The following ZDHHC2 variants were observed in gnomAD, a reference collection of about 807,000 sequenced individuals.
ZDHHC2 encodes the protein palmitoyltransferase ZDHHC2.
ZDHHC2 carries 51 observed loss-of-function variants against 55.6 expected under a neutral mutation model. That is an observed-to-expected ratio of 0.92 (90% CI 0.73 to 1.16). The LOEUF (loss-of-function observed/expected upper bound fraction) is 1.16. Ranked by LOEUF, ZDHHC2 falls within the 50% of genes most tolerant of loss-of-function variation. ZDHHC2 has a pLI of 0.00. For synonymous variants in ZDHHC2, 199 were observed against 152.9 expected, an observed-to-expected ratio of 1.30 and a Z score of -2.22; for missense variants, 491 against 442.4, an observed-to-expected ratio of 1.11 and a Z score of -0.99.
intron 1 of ZDHHC2, among the ~76,000 whole-genome samples, chr8:17,181,634 G>A (rs1204589460): frequency 6.6e-6 from 1 of 152,142 alleles, no homozygotes; most frequent in African/African-American, 2.4e-5. Context: ...TTGAAATTCT[G>A]TCTGTGAAGT....
At chr8:17,161,039 T>C (rs971891568) in intron 1 of ZDHHC2, among the ~76,000 whole-genome samples, 3 of 152,228 alleles carry the variant, frequency 2.0e-5, no homozygotes, top group African/African-American at 7.2e-5. Flanking sequence ...ATTATAATAC[T>C]TAGGGATCAG....
At chr8:17,193,745 T>A (rs1433952422) in intron 3 of ZDHHC2, among the ~76,000 whole-genome samples, 4 of 152,122 alleles carry the variant, frequency 2.6e-5, no homozygotes, top group Non-Finnish European at 5.9e-5. Flanking sequence ...ATTTTTTAAA[T>A]GTAATAGTCC....
At chr8:17,183,425 A>G (rs540042526) in intron 1 of ZDHHC2, among the ~76,000 whole-genome samples, 20 of 152,352 alleles carry the variant, frequency 1.3e-4, no homozygotes, top group South Asian at 6.2e-4. Context: ...CAGGGATTCT[A>G]TGAGAAAGCA....
chr8:17,159,850 A>G (rs1804247792), intron 1 of ZDHHC2, among the ~76,000 whole-genome samples: 1 of 151,722 alleles, frequency 6.6e-6, no homozygotes, highest in South Asian at 2.1e-4. Context: ...CTCCCCCTCC[A>G]TCCTTTCCTT....
At chr8:17,211,052 A>G (rs1196096626) in intron 10 of ZDHHC2, among the ~76,000 whole-genome samples, 2 of 152,144 alleles carry the variant, frequency 1.3e-5, no homozygotes, top group Non-Finnish European at 2.9e-5. Context: ...CTCCAGCTTT[A>G]AGTTTGTTTT....
intron 1 of ZDHHC2, among the ~76,000 whole-genome samples, chr8:17,157,113 C>A (rs999501570): frequency 6.6e-6 from 1 of 152,064 alleles, no homozygotes; most frequent in Non-Finnish European, 1.5e-5. Context: ...CGCCGCCTTC[C>A]GCTCACCGCC....
Position 17,198,072 on chromosome 8 carries a change from G to A in ZDHHC2, c.444-309G>A, listed in dbSNP as rs144301111. Among the ~76,000 whole-genome samples, 301 of 152,206 alleles carry A rather than the reference G, an allele frequency of 2.0e-3. 1 individual carries two copies. The highest frequency in any genetic ancestry group is 6.8e-3 in the African/African-American group (284 of 41,514). On this transcript the variant is annotated intron_variant, in intron 5 of 12. Coordinates refer to ENST00000262096, the MANE Select transcript of ZDHHC2 (RefSeq NM_016353.5). The stretch of plus-strand genomic sequence containing the variant: ...TTTTATCCAGACTTTCCGTAAATCC[G>A]TTGCAGTTTTGTTCTTTCTTTAGCC...
chr8:17,182,440 A>C (rs1468933836), intron 1 of ZDHHC2, among the ~76,000 whole-genome samples: 4 of 152,232 alleles, frequency 2.6e-5, no homozygotes, highest in African/African-American at 4.8e-5. Context: ...AAAATTAAAC[A>C]GAGTTACGTT....
chr8:17,197,598 C>T lies in ZDHHC2; in HGVS notation c.390C>T (p.Asp130=), dbSNP rs759634220. ...RTMSGAIRYC[D]RCQLIKPDRC... ...TGTCCCTAGCCATCCGATACTGTGA[C>T]AGATGCCAACTTATAAAACCAGATC... is the stretch of plus-strand genomic sequence containing the variant. The change falls in exon 5 of 13, where the codon GAC becomes GAT. Residue 130 remains aspartate (D), a synonymous_variant. Coordinates refer to ENST00000262096, the MANE Select transcript of ZDHHC2 (RefSeq NM_016353.5). The T allele has an allele frequency of 1.2e-6, 2 of 1,613,744 alleles. No homozygotes were observed. Among genetic ancestry groups the T allele is most frequent in the South Asian group, 2.2e-5 (2 of 91,054 alleles).
chr8:17,168,740 A>G (rs78292654), intron 1 of ZDHHC2, among the ~76,000 whole-genome samples: 2,028 of 152,078 alleles, frequency 0.013, 47 homozygotes, highest in African/African-American at 0.046. Flanking sequence ...GTGGAATCAT[A>G]CAATATTTGT....
At chr8:17,199,514 C>CT (rs1563161151) in intron 6 of ZDHHC2, among the ~76,000 whole-genome samples, 8 of 37,764 alleles carry the variant, frequency 2.1e-4, no homozygotes, top group South Asian at 1.4e-3. Context: ...TCTTCTTCTT[C>CT]GTCTTCGTCT....
chr8:17,195,561 C>T lies in ZDHHC2; in HGVS notation c.310C>T (p.His104Tyr). The part of the protein sequence containing the change: ...LLEREPRGEA[H>Y]QEVLRRAAKD... ...GGAGAGAGAGCCAAGAGGAGAAGCCCATCAGGAAGTTCTTAGGCGAGCAGC... is the reference window on the plus strand; with the variant it reads ...GGAGAGAGAGCCAAGAGGAGAAGCCTATCAGGAAGTTCTTAGGCGAGCAGC... The change falls in exon 4 of 13, where the codon CAT (histidine) becomes TAT (tyrosine). Residue 104 changes from histidine (H) to tyrosine (Y), a missense_variant. By Grantham distance (83) the His-to-Tyr change is moderately conservative. Coordinates refer to ENST00000262096, the MANE Select transcript of ZDHHC2 (RefSeq NM_016353.5). The T allele has an allele frequency of 1.2e-6, 2 of 1,613,862 alleles. No homozygotes were observed. Among genetic ancestry groups the T allele is most frequent in the South Asian group, 2.2e-5 (2 of 91,074 alleles).
At chr8:17,182,794 C>T (rs1425295658) in intron 1 of ZDHHC2, among the ~76,000 whole-genome samples, 1 of 152,142 alleles carries the variant, frequency 6.6e-6, no homozygotes, top group East Asian at 1.9e-4. Flanking sequence ...CAGAGTCTCA[C>T]TCTGTTGCCC....
chr8:17,191,911 C>T (rs1157700227), intron 3 of ZDHHC2, among the ~76,000 whole-genome samples: 6 of 152,162 alleles, frequency 3.9e-5, no homozygotes, highest in African/African-American at 7.2e-5. Flanking sequence ...TACTAATTTA[C>T]ATTCTCACCA....
intron 1 of ZDHHC2, among the ~76,000 whole-genome samples, chr8:17,169,603 G>T (rs774406461): frequency 6.6e-6 from 1 of 152,310 alleles, no homozygotes; most frequent in South Asian, 2.1e-4. Context: ...ACATGTGAGT[G>T]CATGGTGTCA....
intron 3 of ZDHHC2, among the ~76,000 whole-genome samples, chr8:17,192,128 C>T (rs560689513): frequency 1.3e-5 from 2 of 152,228 alleles, no homozygotes; most frequent in African/African-American, 4.8e-5. Context: ...TGACTACAGG[C>T]ATGCATCACC....
At chr8:17,164,647 A>G (rs1177710667) in intron 1 of ZDHHC2, among the ~76,000 whole-genome samples, 1 of 152,200 alleles carries the variant, frequency 6.6e-6, no homozygotes, top group Non-Finnish European at 1.5e-5. Context: ...ACATCCAAAT[A>G]ATAAAATAGT....
intron 11 of ZDHHC2, 73 bp downstream of exon 11, chr8:17,215,422 C>G: frequency 8.8e-7 from 1 of 1,133,700 alleles, no homozygotes; most frequent in Non-Finnish European, 1.3e-6. Context: ...AAAAAAAATC[C>G]ATTATACTAC....
chr8:17,188,424 C>A (rs1007946975), intron 3 of ZDHHC2, among the ~76,000 whole-genome samples: 2 of 152,192 alleles, frequency 1.3e-5, no homozygotes, highest in African/African-American at 4.8e-5. Flanking sequence ...TCTAGTAGTT[C>A]TTAACTACAC....
Sources: allele counts gnomAD v4.1 joint callset (sites outside exome capture counted in the v4.1 genomes callset), GRCh38; gene constraint gnomAD v4.1.1; transcripts MANE v1.5; gene names NCBI Gene and HGNC (gene_info 2026-07-23, HGNC 2026-07-21).